ARHGEF7: variants seen among roughly 807,000 people sequenced by gnomAD.
ARHGEF7 encodes PAK-interacting exchange factor beta.
A neutral mutation model predicts 109.8 loss-of-function variants in ARHGEF7; 33 were observed. The ratio of observed to expected loss-of-function variants is 0.30; its 90% CI spans 0.23 to 0.40. The LOEUF (loss-of-function observed/expected upper bound fraction) is 0.40, where lower values mean the gene tolerates loss of function less well. Among genes scored for constraint, ARHGEF7 ranks in the 10% least tolerant of loss-of-function variants. ARHGEF7 has a pLI of 1.00. For missense variants in ARHGEF7, 938 were observed against 1,098.5 expected, an observed-to-expected ratio of 0.85 and a Z score of 2.07; for synonymous variants, 458 against 424.6, an observed-to-expected ratio of 1.08 and a Z score of -0.97.
intron 4 of ARHGEF7, among the ~76,000 whole-genome samples, chr13:111,213,622 T>TA (rs1798380960): frequency 2.6e-5 from 4 of 152,184 alleles, no homozygotes. Flanking sequence ...GTTGTTGTTG[T>TA]AACGACTGGC....
intron 5 of ARHGEF7, among the ~76,000 whole-genome samples, chr13:111,230,088 C>G (rs753509601): frequency 2.0e-5 from 3 of 152,114 alleles, no homozygotes; most frequent in African/African-American, 4.8e-5. Flanking sequence ...AGGGTTTCCT[C>G]TTTGCTTTTG....
At chr13:111,121,865 T>G (rs1008158923) in intron 1 of ARHGEF7, among the ~76,000 whole-genome samples, 2 of 151,880 alleles carry the variant, frequency 1.3e-5, no homozygotes, top group Admixed American at 1.3e-4. Flanking sequence ...ATGAATGATA[T>G]CCACTGGTGG....
At chr13:111,134,586 G>A (rs924789548) in intron 1 of ARHGEF7, among the ~76,000 whole-genome samples, 10 of 152,316 alleles carry the variant, frequency 6.6e-5, no homozygotes, top group Admixed American at 2.0e-4. Flanking sequence ...CTGCATAAAT[G>A]TCTTCTTTTG....
In ARHGEF7 at chr13:111,303,108, C is replaced by G; in HGVS notation, c.2584C>G (p.Leu862Val). The change falls in exon 22 of 22, where the codon CTA becomes GTA. Residue 862 changes from leucine to valine, a missense_variant. This residue lies in a region of ARHGEF7 where 166 missense variants were observed against 167.3 expected (regional missense o/e 0.99). Transcript: ENST00000646102. Reference sequence around the variant, plus strand: ...TGATCCTGCCTGGGATGAGACCAATCTATAAGGGATGTCCTCAGTTCTTTC... The same window carrying G: ...TGATCCTGCCTGGGATGAGACCAATGTATAAGGGATGTCCTCAGTTCTTTC... ...MNDPAWDETN[L>V] The G allele has an allele frequency of 6.3e-7, 1 of 1,598,572 alleles. No individual in the cohort carries two copies. Among genetic ancestry groups the G allele is most frequent in the Non-Finnish European group, 8.5e-7 (1 of 1,170,364 alleles).
chr13:111,292,989 G>A (rs1189405371), intron 19 of ARHGEF7: 1 of 985,356 alleles, frequency 1.0e-6, no homozygotes, highest in Admixed American at 6.1e-5. Flanking sequence ...CGTGAAGTGG[G>A]AGCTCTCCTT....
chr13:111,288,472 G>T (rs1329204480), intron 18 of ARHGEF7, 29 bp downstream of exon 18: 1 of 1,561,696 alleles, frequency 6.4e-7, no homozygotes, highest in Admixed American at 1.7e-5. Context: ...CCTGGGAAGT[G>T]TGGTGGTTTA....
chr13:111,230,402 T>C (rs1179496565), intron 5 of ARHGEF7, among the ~76,000 whole-genome samples: 2 of 152,260 alleles, frequency 1.3e-5, no homozygotes, highest in African/African-American at 2.4e-5. Flanking sequence ...TTTAGCCTCT[T>C]TTAATTTCAA....
At chr13:111,153,617 G>C (rs1388038089) in intron 1 of ARHGEF7, 6 of 1,175,246 alleles carry the variant, frequency 5.1e-6, no homozygotes, top group East Asian at 1.0e-4. Flanking sequence ...CGTCCCGCGC[G>C]GGCCGGCGGG....
At chr13:111,191,435 C>G (rs879090638) in intron 2 of ARHGEF7, among the ~76,000 whole-genome samples, 1 of 152,164 alleles carries the variant, frequency 6.6e-6, no homozygotes, top group Non-Finnish European at 1.5e-5. Context: ...TTGGATTGCA[C>G]GTCCTGTTAG....
intron 1 of ARHGEF7, chr13:111,153,618 G>C: frequency 8.5e-7 from 1 of 1,178,458 alleles, no homozygotes; most frequent in African/African-American, 1.6e-5. Context: ...GTCCCGCGCG[G>C]GCCGGCGGGG....
chr13:111,283,386 A>G (rs1217443596), intron 16 of ARHGEF7, 23 bp downstream of exon 16: 2 of 1,537,368 alleles, frequency 1.3e-6, no homozygotes, highest in Admixed American at 3.9e-5. Flanking sequence ...GACCACTCAA[A>G]CAGCCAGATG....
chr13:111,302,854 G>A (rs781306725), intron 21 of ARHGEF7, 137 bp from the exon 22 acceptor site: 5 of 1,103,284 alleles, frequency 4.5e-6, no homozygotes, highest in Non-Finnish European at 6.4e-6. Context: ...GGATCCCCAC[G>A]ACCTCAGAGC....
At chr13:111,191,836 T>C (rs1040543592) in intron 2 of ARHGEF7, among the ~76,000 whole-genome samples, 2 of 152,148 alleles carry the variant, frequency 1.3e-5, no homozygotes, top group African/African-American at 4.8e-5. Flanking sequence ...AGTAAATTGC[T>C]GTCAGAAGGA....
chr13:111,292,175 G>A lies in ARHGEF7; in HGVS notation c.2192G>A (p.Ser731Asn), dbSNP rs951594483. 1.9e-6 allele frequency: 3 copies of A among 1,613,702 alleles called. No individual in the cohort carries two copies. The highest frequency in any genetic ancestry group is 1.7e-4 in the Middle Eastern group (1 of 5,808). The change falls in exon 19 of 22, where the codon AGC becomes AAC. Residue 731 changes from serine (S) to asparagine (N), a missense_variant. This residue lies in a region of ARHGEF7 where 166 missense variants were observed against 167.3 expected (regional missense o/e 0.99). Transcript: ENST00000646102. Reference protein sequence around the residue: ...NHVLADDDQPSLDSLGRRSSL... With the variant: ...NHVLADDDQPNLDSLGRRSSL... ...GTCTTGGCTGATGATGACCAACCAA[G>A]CCTAGACTCCCTGGGGCGTCGCAGT...
intron 18 of ARHGEF7, among the ~76,000 whole-genome samples, chr13:111,291,287 T>TA (rs911375821): frequency 2.6e-5 from 4 of 152,258 alleles, no homozygotes; most frequent in African/African-American, 7.2e-5. Flanking sequence ...CACTCGTGAT[T>TA]ATTTCTCTCC....
At chr13:111,280,158 C>A (rs1266959376) in intron 13 of ARHGEF7, 114 bp from the exon 14 acceptor site, 11 of 1,140,534 alleles carry the variant, frequency 9.6e-6, no homozygotes, top group Non-Finnish European at 1.4e-5. Flanking sequence ...TTTTGGTTCA[C>A]AAACACAGTT....
In ARHGEF7 at chr13:111,283,336, G is replaced by C. The variant is rs2092871560; in HGVS notation, c.1923G>C (p.Arg641=). 6.4e-7 allele frequency: 1 copy of C among 1,551,476 alleles called. No individual in the cohort carries two copies. Among genetic ancestry groups the C allele is most frequent in the Non-Finnish European group, 8.7e-7 (1 of 1,152,352 alleles). ...GCCTGCGGCCCGCGCCTCCCCTCCG[G>C]CCCTCAGCTGCTCTCTGCTACAAGG... is the stretch of plus-strand genomic sequence containing the variant. ...LSCLRPAPPL[R]PSAALCYKED... The change falls in exon 16 of 22, where the codon CGG becomes CGC. Residue 641 remains arginine, a synonymous_variant. Coordinates refer to ENST00000646102, the MANE Select transcript of ARHGEF7 (RefSeq NM_001354046.2).
At chr13:111,261,589 A>G (rs1227437304) in intron 8 of ARHGEF7, among the ~76,000 whole-genome samples, 1 of 152,240 alleles carries the variant, frequency 6.6e-6, no homozygotes, top group Admixed American at 6.5e-5. Context: ...CTTTATCTGT[A>G]CTTTAGAACA....
chr13:111,243,765 G>GT (rs1164657772), intron 6 of ARHGEF7, 107 bp from the exon 7 acceptor site: 1 of 683,572 alleles, frequency 1.5e-6, no homozygotes, highest in African/African-American at 1.8e-5. Flanking sequence ...TTACATAGAA[G>GT]TAACAGTGTG....
Sources: allele counts gnomAD v4.1 joint callset (sites outside exome capture counted in the v4.1 genomes callset), GRCh38; gene constraint gnomAD v4.1.1; regional missense constraint gnomAD v4.1.1; transcripts MANE v1.5; gene names NCBI Gene and HGNC (gene_info 2026-07-23, HGNC 2026-07-21).